SGCZ: variants seen among roughly 807,000 people sequenced by gnomAD.
The protein encoded by SGCZ is zeta-sarcoglycan.
SGCZ carries 40 observed loss-of-function variants against 41.3 expected under a neutral mutation model. That is an observed-to-expected ratio of 0.97 (90% CI 0.75 to 1.26). SGCZ has a LOEUF of 1.26. Among genes scored for constraint, SGCZ ranks in the 50% most tolerant of loss-of-function variants. The probability of loss-of-function intolerance (pLI) is 0.00; values close to 1 mark genes in which losing one functional copy is unlikely to be tolerated. For missense variants in SGCZ, 552 were observed against 369.8 expected, an observed-to-expected ratio of 1.49 and a Z score of -4.04; for synonymous variants, 206 against 137.5, an observed-to-expected ratio of 1.50 and a Z score of -3.49.
chr8:15,075,672 C>G (rs112398362), intron 1 of SGCZ, among the ~76,000 whole-genome samples: 83 of 152,218 alleles, frequency 5.5e-4, no homozygotes, highest in Non-Finnish European at 1.0e-3. Flanking sequence ...ATCTACCTGT[C>G]TATTACTCCA....
intron 1 of SGCZ, among the ~76,000 whole-genome samples, chr8:15,159,739 CACCCT>C (rs1563157555): frequency 4.0e-4 from 10 of 25,204 alleles, no homozygotes; most frequent in Admixed American, 9.1e-4. Context: ...CCGCCCCCCC[CACCCT>C]CCCCCCCACC....
chr8:14,215,277 G>T (rs774736450), intron 4 of SGCZ, among the ~76,000 whole-genome samples: 1 of 152,056 alleles, frequency 6.6e-6, no homozygotes, highest in Non-Finnish European at 1.5e-5. Flanking sequence ...AGACAAAGAA[G>T]TCTCAAAAGT....
intron 1 of SGCZ, among the ~76,000 whole-genome samples, chr8:14,919,926 T>G (rs1799543414): frequency 6.6e-6 from 1 of 152,116 alleles, no homozygotes; most frequent in Admixed American, 6.6e-5. Context: ...TTTTTTGTTT[T>G]GTTTTGTTTT....
rs77065381 is a variant in SGCZ at position 14,143,398 on chromosome 8, T to A, written c.547+21182A>T. On this transcript the variant is annotated intron_variant, in intron 5 of 7. Coordinates refer to ENST00000382080, the MANE Select transcript of SGCZ (RefSeq NM_139167.4). ...AAATTTTCTCTATTTGAAAATGACA[T>A]TATTGTCTACATAGAAAATCCCAAG... Among the ~76,000 whole-genome samples the A allele has an allele frequency of 6.7e-3, 1,017 of 152,316 alleles. 14 individuals carry two copies. Among genetic ancestry groups the A allele is most frequent in the African/African-American group, 0.024 (987 of 41,568 alleles).
intron 2 of SGCZ, among the ~76,000 whole-genome samples, chr8:14,549,995 G>C (rs944543656): frequency 6.6e-6 from 1 of 151,986 alleles, no homozygotes; most frequent in East Asian, 1.9e-4. Context: ...GGGAAAAAAA[G>C]GTGGCATTAA....
At chr8:14,777,731 G>T (rs1041327161) in intron 1 of SGCZ, among the ~76,000 whole-genome samples, 1 of 151,940 alleles carries the variant, frequency 6.6e-6, no homozygotes, top group Admixed American at 6.6e-5. Context: ...CATGTATGTG[G>T]GTATGTGTGT....
intron 1 of SGCZ, among the ~76,000 whole-genome samples, chr8:14,760,748 C>T (rs1405358662): frequency 6.6e-6 from 1 of 152,170 alleles, no homozygotes; most frequent in South Asian, 2.1e-4. Context: ...GTTATTCAGT[C>T]TATTTCTTCA....
intron 1 of SGCZ, among the ~76,000 whole-genome samples, chr8:15,024,363 T>A (rs1257662705): frequency 2.6e-5 from 4 of 152,204 alleles, no homozygotes; most frequent in African/African-American, 9.7e-5. Flanking sequence ...GAGACACTGC[T>A]AACATGTAAA....
chr8:14,544,458 T>C (rs527968017), intron 2 of SGCZ, among the ~76,000 whole-genome samples: 1 of 152,242 alleles, frequency 6.6e-6, no homozygotes, highest in East Asian at 1.9e-4. Flanking sequence ...GTATTTTCCT[T>C]CTTGCAGAGA....
intron 2 of SGCZ, among the ~76,000 whole-genome samples, chr8:14,388,317 C>CT (rs1804644504): frequency 6.6e-6 from 1 of 151,834 alleles, no homozygotes; most frequent in African/African-American, 2.4e-5. Context: ...GTGCTGAGGC[C>CT]TAGGAGCTGG....
chr8:14,761,841 C>A (rs1234398861), intron 1 of SGCZ, among the ~76,000 whole-genome samples: 1 of 152,032 alleles, frequency 6.6e-6, no homozygotes, highest in Non-Finnish European at 1.5e-5. Context: ...CCCTGAATTG[C>A]AGATGTTTCT....
At chr8:14,784,913 A>AAAAAAATATATAT (rs1408574493) in intron 1 of SGCZ, among the ~76,000 whole-genome samples, 9 of 88,020 alleles carry the variant, frequency 1.0e-4, no homozygotes, top group African/African-American at 4.2e-4. Flanking sequence ...AAAAAAAAAA[A>AAAAAAATATATAT]ATATATATAT....
chr8:14,432,908 T>C (rs1259338809), intron 2 of SGCZ, among the ~76,000 whole-genome samples: 5 of 72,278 alleles, frequency 6.9e-5, no homozygotes, highest in Non-Finnish European at 1.2e-4. Flanking sequence ...AGTGAGACTG[T>C]GTCTCCAAAA....
intron 2 of SGCZ, among the ~76,000 whole-genome samples, chr8:14,460,436 G>A (rs1293604937): frequency 2.0e-5 from 3 of 152,104 alleles, no homozygotes; most frequent in Admixed American, 6.6e-5. Flanking sequence ...ATTAACTGGA[G>A]AGCAGTTTTC....
chr8:14,502,463 A>G (rs145431476), intron 2 of SGCZ, among the ~76,000 whole-genome samples: 1 of 152,178 alleles, frequency 6.6e-6, no homozygotes, highest in Non-Finnish European at 1.5e-5. Flanking sequence ...TATTTCTCAG[A>G]GTTTGGAATA....
At chr8:14,691,364 G>C (rs1424865400) in intron 1 of SGCZ, among the ~76,000 whole-genome samples, 1 of 152,058 alleles carries the variant, frequency 6.6e-6, no homozygotes, top group Non-Finnish European at 1.5e-5. Flanking sequence ...AGGTGGCAGA[G>C]AATCTACAAA....
intron 1 of SGCZ, among the ~76,000 whole-genome samples, chr8:15,053,203 C>G (rs550141545): frequency 6.6e-6 from 1 of 152,310 alleles, no homozygotes; most frequent in South Asian, 2.1e-4. Flanking sequence ...AACACTAATA[C>G]CACACCATGT....
chr8:14,309,875 GTTTCTGC>G (rs1281262193), intron 3 of SGCZ, among the ~76,000 whole-genome samples: 1 of 151,196 alleles, frequency 6.6e-6, no homozygotes, highest in Non-Finnish European at 1.5e-5. Flanking sequence ...TTTGGCTAGA[GTTTCTGC>G]TATCCCAATC....
At position 14,577,035 on chromosome 8, in the gene SGCZ, T is replaced by C. The variant is rs561853780; in HGVS notation, c.40-22109A>G. On this transcript the variant is annotated intron_variant, in intron 1 of 7. Transcript: ENST00000382080. ...TTGCCATATGAAAATATCTAAACTG[T>C]ACATTTCTTGACTAAGATCTTTCAA... Among the ~76,000 whole-genome samples the C allele has an allele frequency of 1.1e-4, 17 of 152,364 alleles. No individual in the cohort carries two copies. In the South Asian group the frequency reaches 1.2e-3, roughly 11 times the overall value.
Sources: allele counts gnomAD v4.1 joint callset (sites outside exome capture counted in the v4.1 genomes callset), GRCh38; gene constraint gnomAD v4.1.1; transcripts MANE v1.5; gene names NCBI Gene and HGNC (gene_info 2026-07-23, HGNC 2026-07-21).